ZNF385B: variants seen among roughly 807,000 people sequenced by gnomAD.
The protein encoded by ZNF385B is zinc finger protein 533.
In ZNF385B, 23 loss-of-function variants were observed where a neutral mutation model predicts 39.2. That is an observed-to-expected ratio of 0.59 (90% CI 0.42 to 0.83). The LOEUF (loss-of-function observed/expected upper bound fraction) is 0.83. Among genes scored for constraint, ZNF385B ranks in the 40% least tolerant of loss-of-function variants. The probability of loss-of-function intolerance (pLI) is 0.00; values close to 1 mark genes in which losing one functional copy is unlikely to be tolerated. For missense variants in ZNF385B, 552 were observed against 598.9 expected (o/e 0.92, Z 0.82); for synonymous variants, 205 against 222.6 (o/e 0.92, Z 0.70).
intron 1 of ZNF385B, among the ~76,000 whole-genome samples, chr2:179,859,015 G>A (rs897244529): frequency 2.2e-5 from 3 of 137,302 alleles, no homozygotes; most frequent in Admixed American, 1.6e-4. Context: ...GCATTAGTCT[G>A]TACAGGCATT....
intron 3 of ZNF385B, among the ~76,000 whole-genome samples, chr2:179,642,795 T>G (rs80123275): frequency 0.021 from 3,126 of 152,290 alleles, 63 homozygotes; most frequent in Non-Finnish European, 0.032. Context: ...AAATTTCTCT[T>G]AAGAATGTCC....
At chr2:179,797,819 C>T (rs1411292168) in intron 1 of ZNF385B, among the ~76,000 whole-genome samples, 4 of 152,214 alleles carry the variant, frequency 2.6e-5, no homozygotes, top group African/African-American at 4.8e-5. Context: ...GATGTCTTCA[C>T]GTCTTTTTCT....
intron 1 of ZNF385B, among the ~76,000 whole-genome samples, chr2:179,846,051 T>C (rs1248851950): frequency 6.6e-6 from 1 of 152,214 alleles, no homozygotes; most frequent in African/African-American, 2.4e-5. Context: ...TACTTTTGGT[T>C]GGCTATGGAA....
At chr2:179,751,619 T>A (rs537133861) in intron 3 of ZNF385B, among the ~76,000 whole-genome samples, 1 of 133,888 alleles carries the variant, frequency 7.5e-6, no homozygotes, top group Admixed American at 1.0e-4. Context: ...GTTTCTTGAA[T>A]GTAGAATAGG....
At chr2:179,696,349 T>TTTTTTTG (rs1698759061) in intron 3 of ZNF385B, among the ~76,000 whole-genome samples, 1 of 143,626 alleles carries the variant, frequency 7.0e-6, no homozygotes, top group South Asian at 2.3e-4. Context: ...TTTTTTTTTT[T>TTTTTTTG]GCATCCTAGG....
intron 1 of ZNF385B, among the ~76,000 whole-genome samples, chr2:179,836,867 C>G (rs969963202): frequency 6.6e-6 from 1 of 152,168 alleles, no homozygotes; most frequent in Admixed American, 6.5e-5. Flanking sequence ...TCACAGCAAA[C>G]TGGGCCTTCC....
chr2:179,780,972 T>G (rs2106523191), intron 1 of ZNF385B, among the ~76,000 whole-genome samples: 2 of 152,262 alleles, frequency 1.3e-5, no homozygotes, highest in South Asian at 4.1e-4. Flanking sequence ...AGTCAACAGA[T>G]TAAACTGGGA....
chr2:179,778,796 G>T (rs908310432), intron 1 of ZNF385B, among the ~76,000 whole-genome samples: 4 of 151,918 alleles, frequency 2.6e-5, no homozygotes, highest in African/African-American at 9.7e-5. Flanking sequence ...AAAAAGATTG[G>T]AGAAAAATCT....
At chr2:179,816,160 A>C (rs1707052690) in intron 1 of ZNF385B, among the ~76,000 whole-genome samples, 1 of 152,160 alleles carries the variant, frequency 6.6e-6, no homozygotes, top group South Asian at 2.1e-4. Flanking sequence ...AACTAAACGG[A>C]AACTTCATTC....
At chr2:179,459,877 G>T (rs531324851) in intron 6 of ZNF385B, among the ~76,000 whole-genome samples, 1 of 151,614 alleles carries the variant, frequency 6.6e-6, no homozygotes, top group Non-Finnish European at 1.5e-5. Context: ...GCTGAGGCGG[G>T]TGGATCACCT....
At chr2:179,619,155 G>A (rs1263798380) in intron 3 of ZNF385B, among the ~76,000 whole-genome samples, 1 of 152,148 alleles carries the variant, frequency 6.6e-6, no homozygotes, top group East Asian at 1.9e-4. Context: ...AATGATTCAG[G>A]CCAGACAGGT....
chr2:179,857,949 A>C (rs1684730501), intron 1 of ZNF385B, among the ~76,000 whole-genome samples: 1 of 152,106 alleles, frequency 6.6e-6, no homozygotes, highest in Non-Finnish European at 1.5e-5. Flanking sequence ...TCACTGTTTG[A>C]GGAGGGGTTT....
At chr2:179,586,758 G>C (rs1226614222) in intron 3 of ZNF385B, among the ~76,000 whole-genome samples, 4 of 152,196 alleles carry the variant, frequency 2.6e-5, no homozygotes, top group Admixed American at 6.5e-5. Flanking sequence ...TGTATTATTG[G>C]CTGGGCATGG....
intron 3 of ZNF385B, among the ~76,000 whole-genome samples, chr2:179,682,988 G>A (rs1224420647): frequency 5.9e-5 from 9 of 152,048 alleles, no homozygotes; most frequent in South Asian, 4.2e-4. Context: ...TTTTAATGAC[G>A]TAATATAAAC....
chr2:179,747,561 C>T lies in ZNF385B; in HGVS notation c.298+21942G>A, dbSNP rs113104964. Among the ~76,000 whole-genome samples the T allele has an allele frequency of 7.6e-3, 1,162 of 152,108 alleles. 10 individuals are homozygous for T. Among genetic ancestry groups the T allele is most frequent in the African/African-American group, 0.025 (1,056 of 41,506 alleles). On this transcript the variant is annotated intron_variant, in intron 3 of 9. Coordinates refer to ENST00000410066, the MANE Select transcript of ZNF385B (RefSeq NM_152520.6). Reference sequence around the variant, plus strand: ...CCCAACACACACATAAACTTTCCTTCGAAAATAGTCATAGGAATAGTTCAT... The same window carrying T: ...CCCAACACACACATAAACTTTCCTTTGAAAATAGTCATAGGAATAGTTCAT...
At chr2:179,503,404 T>C (rs907065279) in intron 5 of ZNF385B, among the ~76,000 whole-genome samples, 6 of 152,214 alleles carry the variant, frequency 3.9e-5, no homozygotes, top group Non-Finnish European at 7.3e-5. Context: ...TTAATAAGAA[T>C]TTACTGCATT....
rs1324939758 is a variant in ZNF385B, at chr2:179,861,397, C to A, written c.-451G>T. The A allele has an allele frequency of 6.6e-6, 1 of 150,400 alleles. No individual in the cohort carries two copies. The highest frequency in any genetic ancestry group is 2.0e-4 in the South Asian group (1 of 5,016). The allele number at this position is 150,400 out of a possible 1,614,324, so 9.3% of individuals were successfully genotyped here. On this transcript the variant is annotated 5_prime_UTR_variant, in exon 1 of 10. Transcript: ENST00000410066. Reference sequence around the variant, plus strand: ...TGAGCGCCTGCGCACCGGGCCTCGCCCAGGTGAGGGGCGTGTGCCCGGAGC... The same window carrying A: ...TGAGCGCCTGCGCACCGGGCCTCGCACAGGTGAGGGGCGTGTGCCCGGAGC...
intron 1 of ZNF385B, among the ~76,000 whole-genome samples, chr2:179,857,611 T>C (rs1416299396): frequency 6.6e-6 from 1 of 152,102 alleles, no homozygotes; most frequent in Non-Finnish European, 1.5e-5. Context: ...AAGTCTCAAA[T>C]TGTATCAAGG....
chr2:179,727,033 T>C (rs1701065835), intron 3 of ZNF385B, among the ~76,000 whole-genome samples: 1 of 152,034 alleles, frequency 6.6e-6, no homozygotes, highest in African/African-American at 2.4e-5. Context: ...AATAGTCATC[T>C]TGTGGTGCAA....
Sources: allele counts gnomAD v4.1 joint callset (sites outside exome capture counted in the v4.1 genomes callset), GRCh38; gene constraint gnomAD v4.1.1; transcripts MANE v1.5; gene names NCBI Gene and HGNC (gene_info 2026-07-23, HGNC 2026-07-21).